C12orf42: variants seen among roughly 807,000 people sequenced by gnomAD.
The protein encoded by C12orf42 is uncharacterized protein C12orf42.
In C12orf42, 25 loss-of-function variants were observed where a neutral mutation model predicts 21.6. The ratio of observed to expected loss-of-function variants is 1.16; its 90% confidence interval spans 0.84 to 1.62. The LOEUF (loss-of-function observed/expected upper bound fraction) is 1.62, where lower values mean the gene tolerates loss of function less well. Ranked by LOEUF, C12orf42 falls within the 40% of genes most tolerant of loss-of-function variation. The pLI, the probability that C12orf42 is intolerant of heterozygous loss-of-function variation, is 0.00. For synonymous variants in C12orf42, 174 were observed against 175.0 expected (o/e 0.99, Z 0.05); for missense variants, 483 against 459.3 (o/e 1.05, Z -0.47).
downstream of C12orf42, among the ~76,000 whole-genome samples, chr12:103,299,418 CTAAA>C (rs951410709): frequency 1.3e-5 from 2 of 151,706 alleles, no homozygotes; most frequent in East Asian, 1.9e-4. Context: ...AGAGATTATC[CTAAA>C]TACTTAGTTT....
At chr12:103,556,249 A>G in the C12orf42 span, among the ~76,000 whole-genome samples, 1 of 152,170 alleles carries the variant, frequency 6.6e-6, no homozygotes, top group Non-Finnish European at 1.5e-5. Context: ...AGATATTCAT[A>G]CCTTCCTTGA....
chr12:103,220,052 A>T, the C12orf42 span, among the ~76,000 whole-genome samples: 2 of 152,256 alleles, frequency 1.3e-5, no homozygotes, highest in African/African-American at 4.8e-5. Flanking sequence ...AAAATGTGGC[A>T]CATATACATC....
chr12:103,387,436 T>C (rs1416640764), intron 3 of C12orf42, among the ~76,000 whole-genome samples: 2 of 152,238 alleles, frequency 1.3e-5, no homozygotes, highest in South Asian at 2.1e-4. Flanking sequence ...TTGGGTTCTT[T>C]ACAACCATCG....
chr12:103,507,575 A>G, the C12orf42 span, among the ~76,000 whole-genome samples: 1 of 149,064 alleles, frequency 6.7e-6, no homozygotes, highest in African/African-American at 2.5e-5. Flanking sequence ...GCTACTTAGG[A>G]GGCTGAGGTG....
the C12orf42 span, among the ~76,000 whole-genome samples, chr12:103,156,991 G>GTAA: frequency 1.1e-4 from 17 of 152,262 alleles, no homozygotes; most frequent in African/African-American, 4.1e-4. Context: ...TATATATCCA[G>GTAA]TAATGGGATT....
At chr12:103,387,570 C>T (rs966537024) in intron 3 of C12orf42, among the ~76,000 whole-genome samples, 2 of 152,194 alleles carry the variant, frequency 1.3e-5, no homozygotes, top group Admixed American at 1.3e-4. Flanking sequence ...AAGCCAACAT[C>T]CCTCTTGTCA....
chr12:103,437,493 T>C (rs1950826307), intron 2 of C12orf42, among the ~76,000 whole-genome samples: 2 of 152,046 alleles, frequency 1.3e-5, no homozygotes, highest in Non-Finnish European at 2.9e-5. Context: ...ATCAATAAAA[T>C]TGATAGACCG....
At position 103,302,431 on chromosome 12, in the gene C12orf42, C is replaced by T. The variant is rs769655522; in HGVS notation, c.760G>A (p.Ala254Thr). ...TGGATGTCGTCGGGGTGTGCCTGAG[C>T]GCCTGCTGGGACTGCCATCCTCTCC... Reference protein sequence around the residue: ...PEERMAVPAGAQAHPDDIQSR... With the variant: ...PEERMAVPAGTQAHPDDIQSR... The change falls in exon 6 of 6, where the codon GCT becomes ACT. Residue 254 changes from alanine (A) to threonine (T), a missense_variant. Transcript: ENST00000548883. 8.1e-6 allele frequency: 13 copies of T among 1,613,866 alleles called. No individual in the cohort carries two copies. The highest frequency in any genetic ancestry group is 1.1e-5 in the South Asian group (1 of 91,080).
intron 4 of C12orf42, among the ~76,000 whole-genome samples, chr12:103,341,241 G>A (rs970826240): frequency 1.3e-5 from 2 of 151,742 alleles, no homozygotes; most frequent in African/African-American, 2.4e-5. Context: ...GTAAGTCCCA[G>A]CTACTCAGGA....
At chr12:103,554,756 C>A in the C12orf42 span, among the ~76,000 whole-genome samples, 1 of 152,094 alleles carries the variant, frequency 6.6e-6, no homozygotes, top group African/African-American at 2.4e-5. Context: ...TTCAAACAAC[C>A]AGATCTCCTG....
chr12:103,315,802 G>T (rs1026604941), intron 4 of C12orf42, among the ~76,000 whole-genome samples: 7 of 152,032 alleles, frequency 4.6e-5, no homozygotes, highest in African/African-American at 1.4e-4. Flanking sequence ...GAACAACATG[G>T]TGACTACAGT....
At chr12:103,397,900 G>GT (rs375726421) in intron 3 of C12orf42, 88 of 152,296 alleles carry the variant, frequency 5.8e-4, no homozygotes, top group African/African-American at 2.0e-3. Context: ...ATATTTCGAA[G>GT]TAGCCAGAAG....
At chr12:103,561,417 A>G in the C12orf42 span, among the ~76,000 whole-genome samples, 1 of 152,214 alleles carries the variant, frequency 6.6e-6, no homozygotes, top group Non-Finnish European at 1.5e-5. Context: ...CAGCATGACC[A>G]GGTTCTGGTA....
the C12orf42 span, among the ~76,000 whole-genome samples, chr12:103,146,608 G>GAAAGAAAGAAAT: frequency 6.8e-6 from 1 of 147,430 alleles, no homozygotes; most frequent in African/African-American, 2.5e-5. Context: ...AAGAAAGAAA[G>GAAAGAAAGAAAT]AAAAAGAAAA....
rs867366782 is a variant in C12orf42 at position 103,379,436 on chromosome 12, C to G, written c.148-10438G>C. On this transcript the variant is annotated intron_variant, in intron 3 of 5. Coordinates refer to ENST00000548883, the MANE Select transcript of C12orf42 (RefSeq NM_198521.5). The stretch of plus-strand genomic sequence containing the variant: ...CATCACACGCTTCTAACTATGTGCT[C>G]TAAGGTGTCAAAGGAAAAAAAAATA... Among the ~76,000 whole-genome samples the G allele has an allele frequency of 7.2e-5, 11 of 151,784 alleles. No individual in the cohort carries two copies. The South Asian group carries it at 1.0e-3, about 14-fold the overall frequency.
At chr12:103,520,889 A>C in the C12orf42 span, among the ~76,000 whole-genome samples, 1 of 152,170 alleles carries the variant, frequency 6.6e-6, no homozygotes, top group African/African-American at 2.4e-5. Context: ...ACCCAAATTA[A>C]TTATTTATTG....
chr12:103,349,750 A>C (rs1406374692), intron 4 of C12orf42, among the ~76,000 whole-genome samples: 2 of 152,214 alleles, frequency 1.3e-5, no homozygotes, highest in Non-Finnish European at 2.9e-5. Flanking sequence ...ACTTCTTGTT[A>C]AATTTTTATT....
rs892041818 is a variant in C12orf42, at chr12:103,414,537, C to T, written c.79-12862G>A. ...TTCAATCTATGAGCATGGAATATTT[C>T]CTCATTTATTTGTGTTGCATCCGAT... On this transcript the variant is annotated intron_variant, in intron 2 of 5. Coordinates refer to ENST00000548883, the MANE Select transcript of C12orf42 (RefSeq NM_198521.5). 9.9e-5 allele frequency among the ~76,000 whole-genome samples: 15 copies of T among 151,940 alleles called. 1 individual carries two copies. Among genetic ancestry groups the T allele is most frequent in the Admixed American group, 9.2e-4 (14 of 15,252 alleles).
At chr12:103,189,779 A>G in the C12orf42 span, among the ~76,000 whole-genome samples, 1 of 152,210 alleles carries the variant, frequency 6.6e-6, no homozygotes, top group African/African-American at 2.4e-5. Flanking sequence ...AGACCCAGGC[A>G]TCAGACCTGC....
Sources: allele counts gnomAD v4.1 joint callset (sites outside exome capture counted in the v4.1 genomes callset), GRCh38; gene constraint gnomAD v4.1.1; transcripts MANE v1.5; gene names NCBI Gene and HGNC (gene_info 2026-07-23, HGNC 2026-07-21).